Variants in CDH13 observed in about 807,000 individuals in gnomAD.
The protein encoded by CDH13 is cadherin-13.
In CDH13, 24 loss-of-function variants were observed where a neutral mutation model predicts 63.8. The ratio of observed to expected loss-of-function variants is 0.38; its 90% CI spans 0.27 to 0.53. CDH13 has a LOEUF of 0.53. Ranked by LOEUF, CDH13 falls within the 20% of genes least tolerant of loss-of-function variation. CDH13 has a pLI of 0.85. For missense variants in CDH13, 1,049 were observed against 903.1 expected (o/e 1.16, Z -2.07); for synonymous variants, 503 against 355.3 (o/e 1.42, Z -4.67).
At chr16:82,876,068 C>G (rs1334347827) in intron 2 of CDH13, among the ~76,000 whole-genome samples, 5 of 152,210 alleles carry the variant, frequency 3.3e-5, no homozygotes, top group Non-Finnish European at 5.9e-5. Context: ...GACTCATTCA[C>G]TATCACGAGA....
At chr16:82,961,526 T>C (rs1743079315) in intron 2 of CDH13, among the ~76,000 whole-genome samples, 1 of 148,690 alleles carries the variant, frequency 6.7e-6, no homozygotes, top group Non-Finnish European at 1.5e-5. Flanking sequence ...CTACTGTCTT[T>C]ATCAGCAATT....
intron 4 of CDH13, among the ~76,000 whole-genome samples, chr16:83,131,934 A>G (rs996153892): frequency 6.6e-6 from 1 of 152,134 alleles, no homozygotes; most frequent in African/African-American, 2.4e-5. Context: ...CTCCGCTTTG[A>G]TTGTGTCATG....
chr16:83,335,008 A>G (rs1409392962), intron 5 of CDH13, among the ~76,000 whole-genome samples: 2 of 152,208 alleles, frequency 1.3e-5, no homozygotes, highest in Non-Finnish European at 2.9e-5. Flanking sequence ...GTTAGGATTA[A>G]TGTTATCATT....
intron 4 of CDH13, among the ~76,000 whole-genome samples, chr16:83,138,977 A>G (rs2036416249): frequency 6.6e-6 from 1 of 152,138 alleles, no homozygotes; most frequent in Admixed American, 6.5e-5. Context: ...TTATGCCTCT[A>G]TAGGACGCTG....
In CDH13 at chr16:83,165,423, C is replaced by G. The variant is rs144161841; in HGVS notation, c.483+39922C>G. The stretch of plus-strand genomic sequence containing the variant: ...TTCCTTTCTAATTTGCTTTTGACCA[C>G]AGCACCCTTTTTATTATGCAAAACC... On this transcript the variant is annotated intron_variant, in intron 4 of 13. Coordinates refer to ENST00000567109, the MANE Select transcript of CDH13 (RefSeq NM_001257.5). 7.6e-4 allele frequency among the ~76,000 whole-genome samples: 115 copies of G among 152,284 alleles called. 1 individual carries two copies. Among genetic ancestry groups the G allele is most frequent in the African/African-American group, 2.7e-3 (111 of 41,574 alleles).
At chr16:82,971,537 C>G (rs535349465) in intron 2 of CDH13, among the ~76,000 whole-genome samples, 1 of 152,320 alleles carries the variant, frequency 6.6e-6, no homozygotes, top group South Asian at 2.1e-4. Flanking sequence ...AGGCATCTAA[C>G]CCAGACCTCT....
chr16:83,265,089 G>A (rs1426334589), intron 5 of CDH13, among the ~76,000 whole-genome samples: 1 of 152,172 alleles, frequency 6.6e-6, no homozygotes, highest in Non-Finnish European at 1.5e-5. Context: ...AGAGCTGTGA[G>A]ATACTTGTCA....
chr16:82,636,253 T>C (rs1355813858), intron 1 of CDH13, among the ~76,000 whole-genome samples: 1 of 152,092 alleles, frequency 6.6e-6, no homozygotes, highest in Non-Finnish European at 1.5e-5. Context: ...ACCAGGTGTT[T>C]GACATTGTAA....
chr16:83,385,029 C>T (rs572711819), intron 6 of CDH13, among the ~76,000 whole-genome samples: 12 of 152,314 alleles, frequency 7.9e-5, no homozygotes, highest in Admixed American at 7.8e-4. Flanking sequence ...GCAGCCAGCT[C>T]CCAGCACAGG....
At chr16:82,772,003 C>T (rs2035288130) in intron 1 of CDH13, among the ~76,000 whole-genome samples, 1 of 152,206 alleles carries the variant, frequency 6.6e-6, no homozygotes, top group East Asian at 1.9e-4. Flanking sequence ...TTGTCAGATG[C>T]TTCTGTACTT....
rs143443838 is a variant in CDH13 at position 82,959,659 on chromosome 16, C to G, written c.158-72351C>G. ...GGGTTCACCTGGGTAAGTGAGAAGA[C>G]TCTTTTTAAGGTCAGCTGATTAACA... is the stretch of plus-strand genomic sequence containing the variant. On this transcript the variant is annotated intron_variant, in intron 2 of 13. Transcript: ENST00000567109. 7.9e-5 allele frequency among the ~76,000 whole-genome samples: 12 copies of G among 152,318 alleles called. 1 individual carries two copies. The East Asian group carries it at 2.3e-3, about 29-fold the overall frequency.
intron 3 of CDH13, among the ~76,000 whole-genome samples, chr16:83,044,283 A>C (rs1005137216): frequency 1.3e-5 from 2 of 152,188 alleles, no homozygotes; most frequent in African/African-American, 4.8e-5. Flanking sequence ...AGTCATTGCT[A>C]TTTTGCTAAT....
At chr16:83,712,300 TG>T (rs1257560559) in intron 10 of CDH13, among the ~76,000 whole-genome samples, 1 of 152,160 alleles carries the variant, frequency 6.6e-6, no homozygotes, top group Admixed American at 6.5e-5. Context: ...GCCAGAGCAC[TG>T]GGGGCTCTTG....
At chr16:83,378,389 C>T (rs1466565315) in intron 6 of CDH13, among the ~76,000 whole-genome samples, 4 of 152,150 alleles carry the variant, frequency 2.6e-5, no homozygotes, top group Non-Finnish European at 4.4e-5. Flanking sequence ...AAACACATCC[C>T]TTGACCATGA....
chr16:82,668,510 A>G (rs993331936), intron 1 of CDH13, among the ~76,000 whole-genome samples: 18 of 152,144 alleles, frequency 1.2e-4, no homozygotes, highest in Non-Finnish European at 1.5e-5. Flanking sequence ...CCATTAGGGC[A>G]ATGTTTTTTT....
intron 1 of CDH13, among the ~76,000 whole-genome samples, chr16:82,757,407 G>A (rs1440442905): frequency 1.7e-5 from 2 of 115,852 alleles, no homozygotes; most frequent in Non-Finnish European, 4.1e-5. Context: ...TGCTTTACCT[G>A]GGTATAGGGC....
intron 10 of CDH13, among the ~76,000 whole-genome samples, chr16:83,737,887 G>A (rs2150959231): frequency 6.6e-6 from 1 of 152,310 alleles, no homozygotes; most frequent in Admixed American, 6.5e-5. Flanking sequence ...CATGACTCAG[G>A]CAAGCTCCTA....
intron 4 of CDH13, among the ~76,000 whole-genome samples, chr16:83,143,936 A>ATAGTGAGAC (rs1321255551): frequency 2.6e-5 from 4 of 152,112 alleles, no homozygotes; most frequent in Non-Finnish European, 5.9e-5. Flanking sequence ...TAGAATCAAC[A>ATAGTGAGAC]TAGTGAGACG....
At chr16:82,782,295 C>A (rs1362489956) in intron 1 of CDH13, among the ~76,000 whole-genome samples, 2 of 152,218 alleles carry the variant, frequency 1.3e-5, no homozygotes, top group African/African-American at 2.4e-5. Context: ...GGCACAATGG[C>A]TCACGCCTGT....
Sources: allele counts gnomAD v4.1 joint callset (sites outside exome capture counted in the v4.1 genomes callset), GRCh38; gene constraint gnomAD v4.1.1; transcripts MANE v1.5; gene names NCBI Gene and HGNC (gene_info 2026-07-23, HGNC 2026-07-21).